Variants in IQSEC1 observed in about 807,000 individuals in gnomAD.
IQSEC1 encodes the protein IQ motif and Sec7 domain ArfGEF 1.
In IQSEC1, 31 loss-of-function variants were observed where a neutral mutation model predicts 91.0. The observed-to-expected ratio is 0.34, with a 90% CI of 0.26 to 0.46. IQSEC1 has a LOEUF of 0.46. Among genes scored for constraint, IQSEC1 ranks in the 20% least tolerant of loss-of-function variants. The pLI is 1.00. For synonymous variants in IQSEC1, 699 were observed against 662.6 expected (o/e 1.05, Z -0.84); for missense variants, 1,388 against 1,575.6 (o/e 0.88, Z 2.02).
Position 12,979,369 on chromosome 3 carries a change from C to G in IQSEC1, c.24-37504G>C, listed in dbSNP as rs559037373. Among the ~76,000 whole-genome samples the G allele has an allele frequency of 1.3e-5, 2 of 152,080 alleles. No individual in the cohort carries two copies. Among genetic ancestry groups the G allele is most frequent in the Non-Finnish European group, 2.9e-5 (2 of 68,032 alleles). On this transcript the variant is annotated intron_variant, in intron 1 of 13. Transcript: ENST00000613206. The surrounding 1 kb of genome is among the most constrained non-coding windows in gnomAD (Gnocchi z 4.3). ...ACAGAGAATCCACATGACAGGACGC[C>G]GCCAATAAAACAGAAGCATGCTTTT...
At chr3:13,137,193 C>T (rs1006349949) in intron 2 of IQSEC1, among the ~76,000 whole-genome samples, 1 of 152,024 alleles carries the variant, frequency 6.6e-6, no homozygotes, top group Admixed American at 6.6e-5. Context: ...ACCTGTAATC[C>T]GGCAGGTCCA....
Position 12,935,830 on chromosome 3 carries a change from T to A in IQSEC1, c.1186A>T (p.Ser396Cys). Reference sequence around the variant, plus strand: ...GGACTGCCCTGCTGCCCGCCAAGGCTGCGCTCGTAAGCACTCTGCCTCTTG... The same window carrying A: ...GGACTGCCCTGCTGCCCGCCAAGGCAGCGCTCGTAAGCACTCTGCCTCTTG... ...SLKRQSAYER[S>C]LGGQQGSPKH... Residue 396 changes from serine (S) to cysteine (C), a missense_variant, in exon 3 of 14, where the codon AGC (serine) becomes TGC (cysteine). Ser to Cys is a moderately radical substitution (Grantham distance 112, BLOSUM62 -1). This residue lies in a region of IQSEC1 where 1,059 missense variants were observed against 1,317.8 expected (regional missense o/e 0.80). Coordinates refer to ENST00000613206, the MANE Select transcript of IQSEC1 (RefSeq NM_001134382.3). This position sits in a 1 kb window ranked among gnomAD's most constrained non-coding sequence, Gnocchi z 8.0. The A allele has an allele frequency of 6.2e-7, 1 of 1,608,350 alleles. No individual in the cohort carries two copies. Among genetic ancestry groups the A allele is most frequent in the Non-Finnish European group, 8.5e-7 (1 of 1,179,880 alleles).
intron 1 of IQSEC1, among the ~76,000 whole-genome samples, chr3:13,027,320 TG>T (rs1703658997): frequency 6.6e-6 from 1 of 152,254 alleles, no homozygotes; most frequent in African/African-American, 2.4e-5. Flanking sequence ...AGGCAGGGGC[TG>T]GGCACTCACT....
At chr3:13,196,749 CGTGTGTGTGTGTGTGTGTGTGTGTGT>C (rs5846802) in intron 1 of IQSEC1, among the ~76,000 whole-genome samples, 1 of 148,386 alleles carries the variant, frequency 6.7e-6, no homozygotes, top group African/African-American at 2.5e-5. Context: ...CATGTGTGTG[CGTGTGTGTGTGTGTGTGTGTGTGTGT>C]GTGTGTGTGT....
chr3:13,186,108 G>A (rs1039026422), intron 1 of IQSEC1, among the ~76,000 whole-genome samples: 4 of 152,190 alleles, frequency 2.6e-5, no homozygotes, highest in Non-Finnish European at 5.9e-5. Context: ...TGCTGTTCTC[G>A]TCCCACATGG....
At chr3:13,062,253 C>T (rs777237721) in intron 1 of IQSEC1, among the ~76,000 whole-genome samples, 13 of 152,112 alleles carry the variant, frequency 8.5e-5, no homozygotes, top group Non-Finnish European at 1.8e-4. Context: ...AGTCCTAGCA[C>T]GTCCTGAAGC....
At chr3:13,267,244 C>T (rs1298024837) in intron 1 of IQSEC1, among the ~76,000 whole-genome samples, 2 of 152,242 alleles carry the variant, frequency 1.3e-5, no homozygotes, top group Non-Finnish European at 2.9e-5. Context: ...TTGAAAGACA[C>T]TGAACCTGCT....
rs1332420210 is a variant in IQSEC1, at chr3:12,992,340, G to A, written c.24-50475C>T. On this transcript the variant is annotated intron_variant, in intron 1 of 13. Coordinates refer to ENST00000613206, the MANE Select transcript of IQSEC1 (RefSeq NM_001134382.3). The surrounding 1 kb of genome is among the most constrained non-coding windows in gnomAD (Gnocchi z 4.1). ...ACCTCTCAGTTTATCTTTTCCTGTG[G>A]GGGGTGGGGGGTGGGAGGAGATGGC... Among the ~76,000 whole-genome samples the A allele has an allele frequency of 8.3e-6, 1 of 120,904 alleles. No homozygotes were observed. Among genetic ancestry groups the A allele is most frequent in the Non-Finnish European group, 1.7e-5 (1 of 60,322 alleles). 79.3% of individuals were successfully genotyped at this position (120,904 alleles called of 152,430 possible). A position where few individuals can be genotyped will look rare whatever the true frequency, so the allele number is the denominator to read the frequency against.
In IQSEC1 at chr3:12,900,258, G is replaced by C. The variant is rs900884757; in HGVS notation, c.*725C>G. The C allele has an allele frequency of 3.0e-6, 3 of 984,942 alleles. No individual in the cohort carries two copies. The highest frequency in any genetic ancestry group is 9.4e-5 in the South Asian group (2 of 21,278). 61.0% of individuals were successfully genotyped at this position (984,942 alleles called of 1,614,324 possible). A position where few individuals can be genotyped will look rare whatever the true frequency, so the allele number is the denominator to read the frequency against. ...AATGATTGTGTAAAGATTTTAGCCA[G>C]TCCTAGAGGGACTTCTTTGTATGAA... is the stretch of plus-strand genomic sequence containing the variant. On this transcript the variant is annotated 3_prime_UTR_variant, in exon 14 of 14. Transcript: ENST00000613206.
intron 13 of IQSEC1, 78 bp downstream of exon 13, chr3:12,902,695 C>CAA: frequency 4.0e-6 from 1 of 249,240 alleles, no homozygotes. Context: ...AAAAAAAAAA[C>CAA]CAGGACAACA....
intron 1 of IQSEC1, chr3:13,042,545 C>T: frequency 6.6e-6 from 1 of 152,444 alleles, no homozygotes. Context: ...ATACAAAGAG[C>T]AGCCAGCACA....
chr3:13,108,015 C>T (rs1706181715), intron 2 of IQSEC1, among the ~76,000 whole-genome samples: 2 of 136,298 alleles, frequency 1.5e-5, no homozygotes, highest in African/African-American at 5.5e-5. Flanking sequence ...ACCTAGCAAA[C>T]AAAAAAATTA....
chr3:13,225,876 C>G (rs1285631549), intron 1 of IQSEC1, among the ~76,000 whole-genome samples: 1 of 119,680 alleles, frequency 8.4e-6, no homozygotes, highest in Non-Finnish European at 1.7e-5. Context: ...GTTAATTCAT[C>G]AATTTTTTTT....
chr3:13,138,218 A>G (rs1279879780), intron 2 of IQSEC1, among the ~76,000 whole-genome samples: 1 of 152,168 alleles, frequency 6.6e-6, no homozygotes, highest in Non-Finnish European at 1.5e-5. Flanking sequence ...GCAGCTTTGG[A>G]GTCCTCGGCT....
chr3:12,923,800 G>T (rs541006596), intron 4 of IQSEC1, among the ~76,000 whole-genome samples: 1 of 152,336 alleles, frequency 6.6e-6, no homozygotes, highest in Non-Finnish European at 1.5e-5. Flanking sequence ...TGGTCCCCTC[G>T]GCTGCACATG....
chr3:12,944,583 G>A lies in IQSEC1; in HGVS notation c.24-2718C>T, dbSNP rs115581361. Among the ~76,000 whole-genome samples the A allele has an allele frequency of 7.3e-3, 1,106 of 152,290 alleles. 12 individuals are homozygous for A. Among genetic ancestry groups the A allele is most frequent in the African/African-American group, 0.025 (1,028 of 41,544 alleles). On this transcript the variant is annotated intron_variant, in intron 1 of 13. Coordinates refer to ENST00000613206, the MANE Select transcript of IQSEC1 (RefSeq NM_001134382.3). Reference sequence around the variant, plus strand: ...GGCTCGCCTCGTCTTTGCAGCCCGAGGGCACATCACACACGCCCGGGACTG... The same window carrying A: ...GGCTCGCCTCGTCTTTGCAGCCCGAAGGCACATCACACACGCCCGGGACTG...
chr3:13,168,346 A>C (rs1420410311), intron 1 of IQSEC1, among the ~76,000 whole-genome samples: 2 of 152,230 alleles, frequency 1.3e-5, no homozygotes, highest in African/African-American at 4.8e-5. Context: ...ACATTTTTGC[A>C]TGTATGCTTA....
At chr3:13,038,262 G>GTATATATATATATATATATATATA (rs58338571) in intron 1 of IQSEC1, among the ~76,000 whole-genome samples, 8 of 101,218 alleles carry the variant, frequency 7.9e-5, no homozygotes, top group South Asian at 3.2e-4. Flanking sequence ...GTGTGTGTGT[G>GTATATATATATATATATATATATA]TATATATATA....
At chr3:13,136,615 C>T (rs1427867619) in intron 2 of IQSEC1, among the ~76,000 whole-genome samples, 1 of 152,138 alleles carries the variant, frequency 6.6e-6, no homozygotes, top group African/African-American at 2.4e-5. Context: ...AAAGGCTAAT[C>T]GGGCATTTCC....
Sources: gnomAD v4.1 joint callset for allele counts (sites outside exome capture counted in the v4.1 genomes callset) on GRCh38, gnomAD v4.1.1 for gene constraint, gnomAD v4.1.1 regional missense constraint, Gnocchi (gnomAD v3.1) non-coding constraint, MANE v1.5 for transcripts, NCBI Gene and HGNC (gene_info 2026-07-23, HGNC 2026-07-21) for gene names.